Variants in GLP1R observed in about 807,000 individuals in gnomAD.
GLP1R encodes the protein glucagon like peptide 1 receptor.
GLP1R carries 32 observed loss-of-function variants against 68.4 expected under a neutral mutation model. The observed-to-expected ratio is 0.47, with a 90% confidence interval of 0.35 to 0.63. GLP1R has a LOEUF of 0.63. Among genes scored for constraint, GLP1R ranks in the 20% least tolerant of loss-of-function variants. The pLI, the probability that GLP1R is intolerant of heterozygous loss-of-function variation, is 0.00. For synonymous variants in GLP1R, 263 were observed against 244.4 expected (o/e 1.08, Z -0.71); for missense variants, 502 against 594.9 (o/e 0.84, Z 1.62).
chr6:39,062,307 C>T (rs1489451459), intron 3 of GLP1R, among the ~76,000 whole-genome samples: 1 of 152,204 alleles, frequency 6.6e-6, no homozygotes, highest in Non-Finnish European at 1.5e-5. Flanking sequence ...CCAGCTCCTC[C>T]CAAGTCAGAT....
At chr6:39,059,782 G>A (rs1175069333) in intron 3 of GLP1R, among the ~76,000 whole-genome samples, 1 of 152,178 alleles carries the variant, frequency 6.6e-6, no homozygotes. Flanking sequence ...CTAGACCCCA[G>A]GGAGCCAGGC....
intron 5 of GLP1R, among the ~76,000 whole-genome samples, chr6:39,068,062 A>G (rs2150829050): frequency 6.6e-6 from 1 of 152,374 alleles, no homozygotes; most frequent in East Asian, 1.9e-4. Flanking sequence ...CCGATGTAAG[A>G]GACCATTAAA....
At chr6:39,070,298 G>A (rs1183367860) in intron 5 of GLP1R, among the ~76,000 whole-genome samples, 5 of 152,176 alleles carry the variant, frequency 3.3e-5, no homozygotes, top group African/African-American at 9.7e-5. Context: ...ACATTGACAC[G>A]AGCAGTCCTG....
intron 5 of GLP1R, among the ~76,000 whole-genome samples, chr6:39,068,233 CTTT>C (rs1225651204): frequency 6.6e-6 from 1 of 152,192 alleles, no homozygotes; most frequent in Non-Finnish European, 1.5e-5. Flanking sequence ...GAATAATCTT[CTTT>C]GACTCAGTGT....
intron 3 of GLP1R, among the ~76,000 whole-genome samples, chr6:39,058,869 C>T (rs1768284276): frequency 6.6e-6 from 1 of 152,238 alleles, no homozygotes; most frequent in South Asian, 2.1e-4. Flanking sequence ...GAATCCAATT[C>T]GTGCTCCTAT....
chr6:39,052,101 G>A (rs1021562306), intron 1 of GLP1R, among the ~76,000 whole-genome samples: 2 of 152,002 alleles, frequency 1.3e-5, no homozygotes, highest in Non-Finnish European at 2.9e-5. Flanking sequence ...TCAGTATTGG[G>A]AATGTGCTTG....
intron 1 of GLP1R, among the ~76,000 whole-genome samples, chr6:39,051,991 C>T (rs1028468413): frequency 7.3e-5 from 11 of 151,078 alleles, no homozygotes; most frequent in South Asian, 2.1e-4. Context: ...CTGTGTGTTC[C>T]TCTGTGTGTG....
At chr6:39,062,467 C>A (rs376365126) in intron 3 of GLP1R, among the ~76,000 whole-genome samples, 1 of 152,250 alleles carries the variant, frequency 6.6e-6, no homozygotes, top group Non-Finnish European at 1.5e-5. Context: ...CTTGCACAGG[C>A]TCACTGAGCG....
At chr6:39,050,213 C>T (rs1768054723) in intron 1 of GLP1R, among the ~76,000 whole-genome samples, 1 of 152,192 alleles carries the variant, frequency 6.6e-6, no homozygotes, top group Non-Finnish European at 1.5e-5. Flanking sequence ...CCAGCCAGGC[C>T]TTGGTTTTCC....
Position 39,090,035 on chromosome 6 carries a change from CT to C in GLP1R, c.*3966del, listed in dbSNP as rs1769244936. Among the ~76,000 whole-genome samples the C allele has an allele frequency of 6.6e-6, 1 of 152,154 alleles. No homozygotes were observed. Among genetic ancestry groups the C allele is most frequent in the African/African-American group, 2.4e-5 (1 of 41,438 alleles). The stretch of plus-strand genomic sequence containing the variant: ...GATCAACTCTTAACATTTTTTCCCT[CT>C]TTTGTGGCTGGAATGAGTTCCCCTG... On this transcript the variant is annotated 3_prime_UTR_variant, in exon 13 of 13. Transcript: ENST00000373256.
Position 39,086,115 on chromosome 6 carries a change from G to A in GLP1R, c.*42G>A, listed in dbSNP as rs200457899. The A allele has an allele frequency of 1.6e-5, 26 of 1,588,324 alleles. No individual in the cohort carries two copies. Among genetic ancestry groups the A allele is most frequent in the Middle Eastern group, 3.9e-4 (2 of 5,100 alleles). On this transcript the variant is annotated 3_prime_UTR_variant, in exon 13 of 13. Transcript: ENST00000373256. This position sits in a 1 kb window ranked among gnomAD's most constrained non-coding sequence, Gnocchi z 4.5. ...CTCCCTGGGGTCCTTGCTGCAGGCCGGGTGGCCAATCCAGGTGGGAGAGAC... is the reference window on the plus strand; with the variant it reads ...CTCCCTGGGGTCCTTGCTGCAGGCCAGGTGGCCAATCCAGGTGGGAGAGAC...
chr6:39,050,437 C>G (rs142803661), intron 1 of GLP1R, among the ~76,000 whole-genome samples: 3 of 152,156 alleles, frequency 2.0e-5, no homozygotes, highest in Admixed American at 2.0e-4. Context: ...TTCCCAGAGG[C>G]CTTATTCCCA....
rs1338350428 is a variant in GLP1R, at chr6:39,078,483, A to AG, written c.884+107dup. 7 of 840,716 alleles carry AG rather than the reference A, an allele frequency of 8.3e-6. No individual in the cohort carries two copies. The East Asian group carries it at 1.2e-4, about 15-fold the overall frequency. The allele number at this position is 840,716 out of a possible 1,614,324, so 52.1% of individuals were successfully genotyped here. A position where few individuals can be genotyped will look rare whatever the true frequency, so the allele number is the denominator to read the frequency against. On this transcript the variant is annotated intron_variant, in intron 8 of 12. Coordinates refer to ENST00000373256, the MANE Select transcript of GLP1R (RefSeq NM_002062.5). Reference sequence around the variant, plus strand: ...GGGCACCCATCTGTTGAGAGGATAAAGGGGGGTACCAGGAGCTTAGAAGGT... The same window carrying AG: ...GGGCACCCATCTGTTGAGAGGATAAAGGGGGGGTACCAGGAGCTTAGAAGGT...
chr6:39,067,051 T>C (rs1768538038), intron 5 of GLP1R, among the ~76,000 whole-genome samples: 1 of 152,180 alleles, frequency 6.6e-6, no homozygotes, highest in South Asian at 2.1e-4. Flanking sequence ...GATACTATGA[T>C]CACTCATGCA....
At position 39,089,461 on chromosome 6, in the gene GLP1R, G is replaced by A. The variant is rs1225450433; in HGVS notation, c.*3388G>A. Among the ~76,000 whole-genome samples, 1 of 151,944 alleles carries A rather than the reference G, an allele frequency of 6.6e-6. No homozygotes were observed. Among genetic ancestry groups the A allele is most frequent in the Non-Finnish European group, 1.5e-5 (1 of 68,026 alleles). On this transcript the variant is annotated 3_prime_UTR_variant, in exon 13 of 13. Coordinates refer to ENST00000373256, the MANE Select transcript of GLP1R (RefSeq NM_002062.5). This position sits in a 1 kb window ranked among gnomAD's most constrained non-coding sequence, Gnocchi z 4.1. ...GCAAAGATGGCACAGCACCACAAAGGGCAAATGGAGTCAACTCCCTTCCAT... is the reference window on the plus strand; with the variant it reads ...GCAAAGATGGCACAGCACCACAAAGAGCAAATGGAGTCAACTCCCTTCCAT...
intron 1 of GLP1R, among the ~76,000 whole-genome samples, chr6:39,052,063 G>C (rs1768101205): frequency 6.6e-6 from 1 of 152,064 alleles, no homozygotes; most frequent in African/African-American, 2.4e-5. Context: ...GTGATTGTGT[G>C]TGGTGGGAGA....
intron 7 of GLP1R, among the ~76,000 whole-genome samples, chr6:39,076,332 C>T (rs1188570514): frequency 6.6e-6 from 1 of 152,134 alleles, no homozygotes; most frequent in Non-Finnish European, 1.5e-5. Flanking sequence ...TGTGCTGGGG[C>T]CTTTGGAGAC....
chr6:39,055,841 G>A (rs1325116937), intron 1 of GLP1R, among the ~76,000 whole-genome samples: 4 of 152,090 alleles, frequency 2.6e-5, no homozygotes, highest in East Asian at 3.9e-4. Context: ...CCCGGCCCCC[G>A]CACACCTTGC....
In GLP1R at chr6:39,057,597, C is replaced by G. The variant is rs200013975; in HGVS notation, c.283+18C>G. ...CAGCAGTGGTGAGCCCCCTCCCCGA[C>G]CTGGTACCTGCCCTGGGCCAGCAGT... On this transcript the variant is annotated intron_variant, in intron 3 of 12. Coordinates refer to ENST00000373256, the MANE Select transcript of GLP1R (RefSeq NM_002062.5). The G allele has an allele frequency of 4.8e-5, 69 of 1,447,064 alleles. No homozygotes were observed. Among genetic ancestry groups the G allele is most frequent in the East Asian group, 7.3e-5 (3 of 41,370 alleles). The allele number at this position is 1,447,064 out of a possible 1,614,324, so 89.6% of individuals were successfully genotyped here.
Sources: gnomAD v4.1 joint callset for allele counts (sites outside exome capture counted in the v4.1 genomes callset) on GRCh38, gnomAD v4.1.1 for gene constraint, Gnocchi (gnomAD v3.1) non-coding constraint, MANE v1.5 for transcripts, NCBI Gene and HGNC (gene_info 2026-07-23, HGNC 2026-07-21) for gene names.